Variants in NIFK observed in about 807,000 individuals in gnomAD.
NIFK encodes nucleolar protein interacting with the FHA domain of MKI67, also known as MKI67 FHA domain-interacting nucleolar phosphoprotein.
A neutral mutation model predicts 31.7 loss-of-function variants in NIFK; 16 were observed. The ratio of observed to expected loss-of-function variants is 0.50; its 90% CI spans 0.34 to 0.77. The LOEUF (loss-of-function observed/expected upper bound fraction) is 0.77, where lower values mean the gene tolerates loss of function less well. NIFK is among the 30% of genes least tolerant of loss of function. The pLI is 0.01. For missense variants in NIFK, 341 were observed against 350.4 expected (o/e 0.97, Z 0.21); for synonymous variants, 126 against 123.0 (o/e 1.02, Z -0.16).
rs2074495623 is a variant in NIFK at position 121,727,006 on chromosome 2, T to G, written c.*718A>C. The G allele has an allele frequency of 6.3e-6, 1 of 158,488 alleles. No homozygotes were observed. Among genetic ancestry groups the G allele is most frequent in the Admixed American group, 6.2e-5 (1 of 16,046 alleles). 9.8% of individuals were successfully genotyped at this position (158,488 alleles called of 1,614,324 possible). ...AATGAAGGGGAAAATTTATTATTTTTTTTTCCCAATGACTCCCAAGTCCTA... is the reference window on the plus strand; with the variant it reads ...AATGAAGGGGAAAATTTATTATTTTGTTTTCCCAATGACTCCCAAGTCCTA... On this transcript the variant is annotated 3_prime_UTR_variant, in exon 7 of 7. Transcript: ENST00000285814.
rs751742282 is a variant in NIFK at position 121,727,816 on chromosome 2, T to G, written c.790A>C (p.Lys264Gln). Residue 264 changes from lysine to glutamine, a missense_variant, in exon 7 of 7, where the codon AAA becomes CAA. Lys to Gln is a moderately conservative substitution (Grantham distance 53). Coordinates refer to ENST00000285814, the MANE Select transcript of NIFK (RefSeq NM_032390.5). ...DDDKDDEIVF[K>Q]QPISCVKEEI... ...TCTTTTACACAGGATATGGGCTGTT[T>G]GAAAACTATTTCATCATCTTTATCA... is the stretch of plus-strand genomic sequence containing the variant. 1 of 1,612,768 alleles carries G rather than the reference T, an allele frequency of 6.2e-7. No individual in the cohort carries two copies. Among genetic ancestry groups the G allele is most frequent in the Admixed American group, 1.7e-5 (1 of 59,646 alleles).
At chr2:121,729,846 C>T (rs1190891591) in intron 4 of NIFK, among the ~76,000 whole-genome samples, 2 of 152,138 alleles carry the variant, frequency 1.3e-5, no homozygotes, top group African/African-American at 4.8e-5. Context: ...AAGAAGCTTC[C>T]TCTTCTGTAT....
At chr2:121,731,876 G>A (rs564587797) in intron 3 of NIFK, among the ~76,000 whole-genome samples, 1 of 152,300 alleles carries the variant, frequency 6.6e-6, no homozygotes, top group East Asian at 1.9e-4. Context: ...AAGGTAACTT[G>A]TCCAGTTCCA....
chr2:121,732,684 A>G (rs2074550387), intron 2 of NIFK, among the ~76,000 whole-genome samples: 1 of 152,044 alleles, frequency 6.6e-6, no homozygotes, highest in Admixed American at 6.6e-5. Flanking sequence ...TAATCCCAAC[A>G]CTCAAAAGAG....
chr2:121,728,566 C>G, intron 4 of NIFK, 30 bp from the exon 5 acceptor site: 2 of 1,272,070 alleles, frequency 1.6e-6, no homozygotes, highest in Non-Finnish European at 1.1e-6. Flanking sequence ...AATTGACACT[C>G]ATATCTTTTC....
At chr2:121,731,458 G>T (rs1192259517) in intron 3 of NIFK, among the ~76,000 whole-genome samples, 1 of 152,142 alleles carries the variant, frequency 6.6e-6, no homozygotes, top group Admixed American at 6.6e-5. Flanking sequence ...TACTCATCTG[G>T]TGCGTCACTC....
In NIFK at chr2:121,727,906, T is replaced by G. The variant is rs2074503505; in HGVS notation, c.700A>C (p.Thr234Pro). The change falls in exon 7 of 7, where the codon ACA becomes CCA. Residue 234 changes from threonine (T) to proline (P), a missense_variant. Transcript: ENST00000285814. ...PEKTVDSQGP[T>P]PVCTPTFLER... ...AAAAATGTTGGTGTACAAACTGGTG[T>G]GGGGCCCTGGATTCAACAAGTAAAG... 6.3e-7 allele frequency: 1 copy of G among 1,591,188 alleles called. No homozygotes were observed. The highest frequency in any genetic ancestry group is 8.5e-7 in the Non-Finnish European group (1 of 1,174,634).
intron 2 of NIFK, among the ~76,000 whole-genome samples, chr2:121,732,977 G>A (rs546006016): frequency 5.9e-4 from 89 of 152,080 alleles, no homozygotes; most frequent in Non-Finnish European, 1.1e-3. Context: ...AGCTACTCAG[G>A]AGGCTGAGCC....
At chr2:121,734,985 T>C (rs1320571016) in intron 2 of NIFK, among the ~76,000 whole-genome samples, 3 of 152,154 alleles carry the variant, frequency 2.0e-5, no homozygotes, top group African/African-American at 7.2e-5. Flanking sequence ...AATTAAAGTT[T>C]ATGTGCGGGG....
chr2:121,732,048 C>A lies in NIFK; in HGVS notation c.352+48G>T. On this transcript the variant is annotated intron_variant, in intron 3 of 6. Transcript: ENST00000285814. ...CCGCCCTTCCCACCACAGTCACCCACCAACAGCAGGCACCCAGGCAACCCT... is the reference window on the plus strand; with the variant it reads ...CCGCCCTTCCCACCACAGTCACCCAACAACAGCAGGCACCCAGGCAACCCT... 7 of 1,105,294 alleles carry A rather than the reference C, an allele frequency of 6.3e-6. No homozygotes were observed. In the South Asian group the frequency reaches 8.8e-5, roughly 14 times the overall value. The allele number at this position is 1,105,294 out of a possible 1,614,324, so 68.5% of individuals were successfully genotyped here. A position where few individuals can be genotyped will look rare whatever the true frequency, so the allele number is the denominator to read the frequency against.
At chr2:121,730,851 C>T in intron 4 of NIFK, 42 bp downstream of exon 4, 1 of 1,433,460 alleles carries the variant, frequency 7.0e-7, no homozygotes, top group Admixed American at 1.7e-5. Flanking sequence ...GCCCCCTCCC[C>T]TCCCCACAAC....
Position 121,733,144 on chromosome 2 carries a change from C to T in NIFK, c.244-940G>A, listed in dbSNP as rs551893647. Among the ~76,000 whole-genome samples, 17 of 149,768 alleles carry T rather than the reference C, an allele frequency of 1.1e-4. No homozygotes were observed. The South Asian group carries it at 2.5e-3, about 22-fold the overall frequency. On this transcript the variant is annotated intron_variant, in intron 2 of 6. Coordinates refer to ENST00000285814, the MANE Select transcript of NIFK (RefSeq NM_032390.5). ...CTGTAATCCCAGCACTCCAGGAGGC[C>T]GAGGTGGGTGGATCACCTGAGGTCA...
At chr2:121,734,578 G>C (rs1226105278) in intron 2 of NIFK, among the ~76,000 whole-genome samples, 1 of 152,082 alleles carries the variant, frequency 6.6e-6, no homozygotes, top group Admixed American at 6.6e-5. Flanking sequence ...GGATCACAAG[G>C]TCAGGAGTTC....
At chr2:121,729,514 T>C (rs1056070214) in intron 4 of NIFK, among the ~76,000 whole-genome samples, 5 of 152,216 alleles carry the variant, frequency 3.3e-5, no homozygotes, top group African/African-American at 9.6e-5. Context: ...TATCTACTTA[T>C]AGCATACAGT....
chr2:121,730,685 A>G (rs1573373852), intron 4 of NIFK: 1 of 546,326 alleles, frequency 1.8e-6, no homozygotes, highest in East Asian at 3.2e-5. Context: ...CTCTACTAAA[A>G]ATACAAAAAT....
At chr2:121,733,822 G>A (rs1325309278) in intron 2 of NIFK, among the ~76,000 whole-genome samples, 2 of 152,128 alleles carry the variant, frequency 1.3e-5, no homozygotes, top group African/African-American at 2.4e-5. Context: ...ATGTGTGCTG[G>A]TTTGTGCTGT....
Position 121,730,362 on chromosome 2 carries a change from G to A in NIFK, c.564+531C>T, listed in dbSNP as rs572944853. On this transcript the variant is annotated intron_variant, in intron 4 of 6. Transcript: ENST00000285814. The stretch of plus-strand genomic sequence containing the variant: ...AGCCTGACCAACAAGGAGAAACCCC[G>A]TCTCTACTAAAAATACAAAATTAGC... The A allele has an allele frequency of 4.9e-4, 76 of 156,454 alleles. 1 individual carries two copies. The East Asian group carries it at 0.01, about 21-fold the overall frequency. 9.7% of individuals were successfully genotyped at this position (156,454 alleles called of 1,614,324 possible). A position where few individuals can be genotyped will look rare whatever the true frequency, so the allele number is the denominator to read the frequency against.
rs1287106943 is a variant in NIFK, at chr2:121,727,225, A to C, written c.*499T>G. 6.5e-6 allele frequency: 2 copies of C among 309,456 alleles called. No homozygotes were observed. Among genetic ancestry groups the C allele is most frequent in the East Asian group, 1.6e-4 (2 of 12,614 alleles). 19.2% of individuals were successfully genotyped at this position (309,456 alleles called of 1,614,324 possible). A position where few individuals can be genotyped will look rare whatever the true frequency, so the allele number is the denominator to read the frequency against. ...TCTATTAAAATCTGAACACATAAAC[A>C]AATCTGTGCTAAAACTGGAACTGCC... is the stretch of plus-strand genomic sequence containing the variant. On this transcript the variant is annotated 3_prime_UTR_variant, in exon 7 of 7. Transcript: ENST00000285814.
chr2:121,734,114 G>A (rs1403210781), intron 2 of NIFK, among the ~76,000 whole-genome samples: 1 of 119,210 alleles, frequency 8.4e-6, no homozygotes, highest in African/African-American at 5.8e-5. Context: ...ACAGTGTTTA[G>A]TAGAAACACT....
Sources: allele counts gnomAD v4.1 joint callset (sites outside exome capture counted in the v4.1 genomes callset), GRCh38; gene constraint gnomAD v4.1.1; transcripts MANE v1.5; gene names NCBI Gene and HGNC (gene_info 2026-07-23, HGNC 2026-07-21).